Variants in RIC1 observed in about 807,000 individuals in gnomAD.
RIC1 encodes guanine nucleotide exchange factor subunit RIC1.
A neutral mutation model predicts 169.0 loss-of-function variants in RIC1; 88 were observed. The observed-to-expected ratio is 0.52, with a 90% CI of 0.44 to 0.62. RIC1 has a LOEUF of 0.62. Among genes scored for constraint, RIC1 ranks in the 20% least tolerant of loss-of-function variants. The pLI, the probability that RIC1 is intolerant of heterozygous loss-of-function variation, is 0.00. For missense variants in RIC1, 1,877 were observed against 1,725.5 expected, an observed-to-expected ratio of 1.09 and a Z score of -1.56; for synonymous variants, 790 against 601.5, an observed-to-expected ratio of 1.31 and a Z score of -4.59.
At chr9:5,718,316 G>C (rs900774996) in intron 4 of RIC1, among the ~76,000 whole-genome samples, 1 of 152,008 alleles carries the variant, frequency 6.6e-6, no homozygotes, top group African/African-American at 2.4e-5. Flanking sequence ...AATTTAAAAA[G>C]AGTGTATTTA....
intron 6 of RIC1, among the ~76,000 whole-genome samples, chr9:5,725,034 T>C (rs1399598079): frequency 6.6e-6 from 1 of 152,208 alleles, no homozygotes; most frequent in Non-Finnish European, 1.5e-5. Context: ...TTGTTGTGTC[T>C]CTGCCAGGCT....
Position 5,742,983 on chromosome 9 carries a change from A to G in RIC1, c.1016A>G (p.Gln339Arg), listed in dbSNP as rs746431741. The change falls in exon 9 of 26, where the codon CAG becomes CGG. Residue 339 changes from glutamine (Q) to arginine (R), a missense_variant. This residue lies in a region of RIC1 where 1,104 missense variants were observed against 992.0 expected (regional missense o/e 1.11). Transcript: ENST00000414202. ...GLSLWSVFGA[Q>R]LICTLGGDFA... ...TCTTTATGGAGTGTTTTTGGAGCAC[A>G]GCTGATTTGTACACTTGGAGGAGAT... 1.9e-6 allele frequency: 3 copies of G among 1,613,062 alleles called. No individual in the cohort carries two copies. The highest frequency in any genetic ancestry group is 2.5e-6 in the Non-Finnish European group (3 of 1,179,468).
At chr9:5,681,493 C>G (rs1308791711) in intron 2 of RIC1, among the ~76,000 whole-genome samples, 2 of 152,188 alleles carry the variant, frequency 1.3e-5, no homozygotes, top group South Asian at 2.1e-4. Context: ...TTTGATTGCA[C>G]TATGGTCTGA....
chr9:5,704,377 A>C (rs1279589072), intron 3 of RIC1, among the ~76,000 whole-genome samples: 1 of 151,818 alleles, frequency 6.6e-6, no homozygotes, highest in Non-Finnish European at 1.5e-5. Context: ...CACCTGGCTA[A>C]TTTTTTGATT....
At chr9:5,749,483 A>C (rs1411057944) in intron 12 of RIC1, among the ~76,000 whole-genome samples, 1 of 152,148 alleles carries the variant, frequency 6.6e-6, no homozygotes, top group Non-Finnish European at 1.5e-5. Flanking sequence ...TTTTTCTAAG[A>C]TAAGTGACCA....
At chr9:5,642,594 C>T (rs1818305361) in intron 1 of RIC1, among the ~76,000 whole-genome samples, 2 of 144,864 alleles carry the variant, frequency 1.4e-5, no homozygotes, top group East Asian at 1.9e-4. Flanking sequence ...GCTAAGCAGG[C>T]ACTCAAACCG....
intron 11 of RIC1, 83 bp from the exon 12 acceptor site, chr9:5,747,219 T>G: frequency 4.1e-6 from 4 of 968,386 alleles, no homozygotes; most frequent in Non-Finnish European, 6.5e-6. Context: ...ACTAAATCGA[T>G]GTGTTATTTT....
At chr9:5,674,359 G>A (rs1013679582) in intron 2 of RIC1, among the ~76,000 whole-genome samples, 10 of 151,980 alleles carry the variant, frequency 6.6e-5, no homozygotes, top group Admixed American at 1.3e-4. Context: ...GCCCAAGTAA[G>A]GATGAATTAA....
In RIC1 at chr9:5,743,014, G is replaced by A; in HGVS notation, c.1046+1G>A. 3 of 1,601,256 alleles carry A rather than the reference G, an allele frequency of 1.9e-6. No homozygotes were observed. Among genetic ancestry groups the A allele is most frequent in the Non-Finnish European group, 2.5e-6 (3 of 1,176,584 alleles). On this transcript the variant is annotated splice_donor_variant, in intron 9 of 25. Coordinates refer to ENST00000414202, the MANE Select transcript of RIC1 (RefSeq NM_020829.4). LOFTEE classifies it high-confidence loss of function. The stretch of plus-strand genomic sequence containing the variant: ...TTTGTACACTTGGAGGAGATTTTGC[G>A]TAAGTCAAAAAAGACAATTTTTAGA...
intron 6 of RIC1, among the ~76,000 whole-genome samples, chr9:5,727,150 T>A (rs986471050): frequency 7.2e-5 from 11 of 152,336 alleles, no homozygotes; most frequent in African/African-American, 2.6e-4. Context: ...GCAGAGTGTT[T>A]TCCAACTTGG....
At chr9:5,757,171 A>C in intron 16 of RIC1, 142 bp from the exon 17 acceptor site, 3 of 936,024 alleles carry the variant, frequency 3.2e-6, no homozygotes, top group Non-Finnish European at 4.9e-6. Flanking sequence ...TCCTGATCGA[A>C]GGATATATGG....
chr9:5,737,310 A>C (rs1365327744), intron 7 of RIC1, among the ~76,000 whole-genome samples: 1 of 145,432 alleles, frequency 6.9e-6, no homozygotes, highest in Non-Finnish European at 1.6e-5. Flanking sequence ...TTTTAAATTA[A>C]GTAATTATAT....
At chr9:5,695,682 C>T (rs555932602) in intron 3 of RIC1, among the ~76,000 whole-genome samples, 23 of 150,908 alleles carry the variant, frequency 1.5e-4, no homozygotes, top group Middle Eastern at 3.4e-3. Context: ...AAGCGATTCT[C>T]ATGTCTCAAT....
rs148434315 is a variant in RIC1 at position 5,749,916 on chromosome 9, T to G, written c.1452+2411T>G. On this transcript the variant is annotated intron_variant, in intron 12 of 25. Coordinates refer to ENST00000414202, the MANE Select transcript of RIC1 (RefSeq NM_020829.4). ...GTCTCAGCCTCCCAAGTAGCTGGGA[T>G]TACAGGCACCTGCCACCATGCCCGG... Among the ~76,000 whole-genome samples, 896 of 151,720 alleles carry G rather than the reference T, an allele frequency of 5.9e-3. 23 individuals are homozygous for G. The highest frequency in any genetic ancestry group is 0.043 in the Admixed American group (663 of 15,248).
chr9:5,756,269 G>A lies in RIC1; in HGVS notation c.1750G>A (p.Ala584Thr). ...LDNAFAHVTK[A>T]QAETLLLSVF... ...CAATGCCTTTGCTCATGTCACCAAAGCACAAGCAGAAACATTACTGCTTAG... is the reference window on the plus strand; with the variant it reads ...CAATGCCTTTGCTCATGTCACCAAAACACAAGCAGAAACATTACTGCTTAG... Residue 584 changes from alanine to threonine, a missense_variant, in exon 16 of 26, where the codon GCA becomes ACA. Physicochemically the swap from Ala to Thr is moderately conservative, Grantham distance 58. Around this residue, in one of 3 missense-constraint regions of RIC1, gnomAD observed 1,104 missense variants for 992.0 expected, o/e 1.11. Coordinates refer to ENST00000414202, the MANE Select transcript of RIC1 (RefSeq NM_020829.4). 6.2e-7 allele frequency: 1 copy of A among 1,604,810 alleles called. No individual in the cohort carries two copies. Among genetic ancestry groups the A allele is most frequent in the African/African-American group, 1.3e-5 (1 of 74,802 alleles).
chr9:5,677,417 T>C (rs1586927303), intron 2 of RIC1, among the ~76,000 whole-genome samples: 1 of 152,206 alleles, frequency 6.6e-6, no homozygotes, highest in South Asian at 2.1e-4. Flanking sequence ...CATCTTGATA[T>C]CTGTTCCAGT....
At chr9:5,634,631 G>GT (rs957161723) in intron 1 of RIC1, among the ~76,000 whole-genome samples, 1 of 152,042 alleles carries the variant, frequency 6.6e-6, no homozygotes, top group African/African-American at 2.4e-5. Context: ...CCTTTTAGAT[G>GT]TATGGTTTGC....
At chr9:5,658,046 T>C (rs553425185) in intron 2 of RIC1, among the ~76,000 whole-genome samples, 3 of 152,260 alleles carry the variant, frequency 2.0e-5, no homozygotes, top group Admixed American at 2.0e-4. Flanking sequence ...TTCTGTTCAA[T>C]GCACTGTGTA....
chr9:5,763,689 G>A lies in RIC1; in HGVS notation c.2662G>A (p.Ala888Thr). ...TCCCGACCCTCTGCTTCCCACTGTG[G>A]CAAAATTTATCACTGAGTTCCCCCT... Reference protein sequence around the residue: ...PIPDPLLPTVAKFITEFPLFL... With the variant: ...PIPDPLLPTVTKFITEFPLFL... The change falls in exon 19 of 26, where the codon GCA becomes ACA. Residue 888 changes from alanine (A) to threonine (T), a missense_variant. By Grantham distance (58) the Ala-to-Thr change is moderately conservative. Coordinates refer to ENST00000414202, the MANE Select transcript of RIC1 (RefSeq NM_020829.4). The surrounding 1 kb of genome is among the most constrained non-coding windows in gnomAD (Gnocchi z 5.2). 1 of 1,614,132 alleles carries A rather than the reference G, an allele frequency of 6.2e-7. No individual in the cohort carries two copies. The highest frequency in any genetic ancestry group is 8.5e-7 in the Non-Finnish European group (1 of 1,180,010).
Sources: allele counts gnomAD v4.1 joint callset (sites outside exome capture counted in the v4.1 genomes callset), GRCh38; gene constraint gnomAD v4.1.1; regional missense constraint gnomAD v4.1.1; non-coding constraint Gnocchi (gnomAD v3.1); transcripts MANE v1.5; gene names NCBI Gene and HGNC (gene_info 2026-07-23, HGNC 2026-07-21).